YAP1: variants seen among roughly 807,000 people sequenced by gnomAD.
YAP1 encodes Yes1 associated transcriptional regulator.
In YAP1, 5 loss-of-function variants were observed where a neutral mutation model predicts 56.9. The observed-to-expected ratio is 0.09, with a 90% confidence interval of 0.05 to 0.18. YAP1 has a LOEUF of 0.18. Ranked by LOEUF, YAP1 falls within the 10% of genes least tolerant of loss-of-function variation. The pLI is 1.00. For synonymous variants in YAP1, 265 were observed against 248.1 expected (o/e 1.07, Z -0.64); for missense variants, 539 against 651.8 (o/e 0.83, Z 1.88).
In YAP1 at chr11:102,223,753, G is replaced by GT; in HGVS notation, c.1163+3dup. On this transcript the variant is annotated splice_donor_variant, in intron 7 of 8. Coordinates refer to ENST00000282441, the MANE Select transcript of YAP1 (RefSeq NM_001130145.3). LOFTEE classifies it high-confidence loss of function. ...ATAGCTCAGATCCTTTCCTTAACAGGTTGGTGAAAGTTGCTACTGGTGAAT... is the reference window on the plus strand; with the variant it reads ...ATAGCTCAGATCCTTTCCTTAACAGGTTTGGTGAAAGTTGCTACTGGTGAAT... The GT allele has an allele frequency of 6.2e-7, 1 of 1,612,960 alleles. No homozygotes were observed. Among genetic ancestry groups the GT allele is most frequent in the Non-Finnish European group, 8.5e-7 (1 of 1,179,206 alleles).
At chr11:102,167,034 T>A (rs1348544675) in intron 3 of YAP1, among the ~76,000 whole-genome samples, 1 of 152,212 alleles carries the variant, frequency 6.6e-6, no homozygotes, top group Non-Finnish European at 1.5e-5. Context: ...AGTATAATTA[T>A]GCTTTTATAA....
At chr11:102,227,942 C>T (rs1012870281) in intron 8 of YAP1, among the ~76,000 whole-genome samples, 1 of 151,192 alleles carries the variant, frequency 6.6e-6, no homozygotes, top group Non-Finnish European at 1.5e-5. Context: ...TGTCATGGTA[C>T]ATGCCTGTAG....
At chr11:102,145,677 CTG>C (rs1251351509) in intron 2 of YAP1, among the ~76,000 whole-genome samples, 9 of 152,276 alleles carry the variant, frequency 5.9e-5, no homozygotes, top group African/African-American at 1.7e-4. Flanking sequence ...AAAATGTTGA[CTG>C]TATTTTATAA....
intron 3 of YAP1, among the ~76,000 whole-genome samples, chr11:102,163,359 A>G (rs1402732293): frequency 6.6e-6 from 1 of 152,148 alleles, no homozygotes; most frequent in Non-Finnish European, 1.5e-5. Flanking sequence ...CTTCCTTATC[A>G]CATACTGTCT....
At chr11:102,215,975 A>G (rs945751790) in intron 6 of YAP1, among the ~76,000 whole-genome samples, 1 of 152,202 alleles carries the variant, frequency 6.6e-6, no homozygotes, top group African/African-American at 2.4e-5. Context: ...TAGCCAAAAA[A>G]CAACAACCTC....
intron 3 of YAP1, among the ~76,000 whole-genome samples, chr11:102,183,805 G>A (rs1359778347): frequency 1.3e-5 from 2 of 151,674 alleles, no homozygotes; most frequent in African/African-American, 4.8e-5. Flanking sequence ...GGCCGGGCGC[G>A]GTGGCTCACG....
At chr11:102,131,251 T>C (rs1295402751) in intron 2 of YAP1, among the ~76,000 whole-genome samples, 3 of 152,250 alleles carry the variant, frequency 2.0e-5, no homozygotes, top group Non-Finnish European at 2.9e-5. Flanking sequence ...TCGATGTTGC[T>C]CTTCCTGCCA....
At chr11:102,208,710 T>C (rs1350507608) in intron 5 of YAP1, among the ~76,000 whole-genome samples, 1 of 152,186 alleles carries the variant, frequency 6.6e-6, no homozygotes, top group Non-Finnish European at 1.5e-5. Flanking sequence ...GAGTAGTAGT[T>C]GTTCTAAGTA....
chr11:102,221,850 T>C (rs1437438583), intron 6 of YAP1, among the ~76,000 whole-genome samples: 1 of 152,128 alleles, frequency 6.6e-6, no homozygotes, highest in Non-Finnish European at 1.5e-5. Context: ...TATGAAAACA[T>C]TTATATGTTC....
At chr11:102,179,146 G>A (rs2135475000) in intron 3 of YAP1, among the ~76,000 whole-genome samples, 1 of 144,726 alleles carries the variant, frequency 6.9e-6, no homozygotes, top group South Asian at 2.1e-4. Flanking sequence ...TCCAAACCAT[G>A]TCACCCTCTT....
intron 6 of YAP1, among the ~76,000 whole-genome samples, chr11:102,222,633 A>C (rs972829965): frequency 3.3e-5 from 5 of 152,090 alleles, no homozygotes; most frequent in African/African-American, 1.2e-4. Flanking sequence ...ACCCCATTTT[A>C]AATATTATGT....
At chr11:102,121,085 C>A (rs952014464) in intron 2 of YAP1, among the ~76,000 whole-genome samples, 1 of 144,004 alleles carries the variant, frequency 6.9e-6, no homozygotes, top group African/African-American at 2.7e-5. Context: ...AGTTTCCTTT[C>A]CAAAGTTTCA....
chr11:102,212,215 C>G (rs191270419), intron 6 of YAP1, among the ~76,000 whole-genome samples: 1 of 152,170 alleles, frequency 6.6e-6, no homozygotes, highest in African/African-American at 2.4e-5. Context: ...ATAGTGAGAT[C>G]AGTGTCATTT....
At chr11:102,170,170 G>A (rs957060344) in intron 3 of YAP1, among the ~76,000 whole-genome samples, 3 of 152,142 alleles carry the variant, frequency 2.0e-5, no homozygotes, top group Admixed American at 6.5e-5. Flanking sequence ...GATGGTGAGA[G>A]CCTTTCACTT....
chr11:102,170,536 C>CAT (rs1166078050), intron 3 of YAP1, among the ~76,000 whole-genome samples: 1 of 152,100 alleles, frequency 6.6e-6, no homozygotes, highest in Non-Finnish European at 1.5e-5. Flanking sequence ...AAGGGGGAAA[C>CAT]ATATAGAAAC....
chr11:102,179,670 CT>C (rs774860915), intron 3 of YAP1, among the ~76,000 whole-genome samples: 7 of 152,072 alleles, frequency 4.6e-5, no homozygotes, highest in Non-Finnish European at 8.8e-5. Flanking sequence ...TTTTCTTTTT[CT>C]TTCCCATTTT....
rs376004526 is a variant in YAP1, at chr11:102,134,253, G to C, written c.572+19859G>C. ...CATTGACTTGTTAGGGAAACCTTTTGCTTTCTCATTTCAAGATGCTAGATT... is the reference window on the plus strand; with the variant it reads ...CATTGACTTGTTAGGGAAACCTTTTCCTTTCTCATTTCAAGATGCTAGATT... On this transcript the variant is annotated intron_variant, in intron 2 of 8. Transcript: ENST00000282441. 1.4e-4 allele frequency among the ~76,000 whole-genome samples: 22 copies of C among 152,046 alleles called. No homozygotes were observed. In the East Asian group the frequency reaches 1.7e-3, roughly 12 times the overall value.
intron 6 of YAP1, among the ~76,000 whole-genome samples, chr11:102,211,485 A>C (rs1949401904): frequency 6.6e-6 from 1 of 152,182 alleles, no homozygotes; most frequent in Non-Finnish European, 1.5e-5. Flanking sequence ...GGTTTGTTAT[A>C]TATGCTTTAG....
At chr11:102,127,263 G>C (rs1036392263) in intron 2 of YAP1, among the ~76,000 whole-genome samples, 10 of 152,300 alleles carry the variant, frequency 6.6e-5, no homozygotes, top group Admixed American at 2.0e-4. Flanking sequence ...AGACTTTCAC[G>C]TCAGCCCCTC....
Sources: allele counts gnomAD v4.1 joint callset (sites outside exome capture counted in the v4.1 genomes callset), GRCh38; gene constraint gnomAD v4.1.1; transcripts MANE v1.5; gene names NCBI Gene and HGNC (gene_info 2026-07-23, HGNC 2026-07-21).